Variants in LRRC4C observed in about 807,000 individuals in gnomAD.
LRRC4C encodes the protein leucine rich repeat containing 4C.
In LRRC4C, 5 loss-of-function variants were observed where a neutral mutation model predicts 33.6. That is an observed-to-expected ratio of 0.15 (90% CI 0.08 to 0.31). The LOEUF is 0.31. LRRC4C is among the 10% of genes least tolerant of loss of function. The pLI is 1.00. For synonymous variants in LRRC4C, 329 were observed against 302.0 expected (o/e 1.09, Z -0.93); for missense variants, 560 against 796.7 (o/e 0.70, Z 3.58).
At chr11:40,910,722 C>T (rs1050682331) in intron 2 of LRRC4C, among the ~76,000 whole-genome samples, 4 of 152,104 alleles carry the variant, frequency 2.6e-5, no homozygotes, top group African/African-American at 4.8e-5. Flanking sequence ...TGCAGTGCAC[C>T]GAGCTTGAGC....
At chr11:40,459,608 A>G (rs562828556) in intron 3 of LRRC4C, among the ~76,000 whole-genome samples, 2 of 152,318 alleles carry the variant, frequency 1.3e-5, no homozygotes, top group African/African-American at 4.8e-5. Flanking sequence ...AAGCCAATTC[A>G]TCCAGCCAGA....
At chr11:40,496,167 A>G (rs1036843388) in intron 3 of LRRC4C, among the ~76,000 whole-genome samples, 7 of 152,104 alleles carry the variant, frequency 4.6e-5, no homozygotes, top group African/African-American at 1.7e-4. Context: ...GAGGTAAAGA[A>G]GAGAAGACAG....
intron 2 of LRRC4C, among the ~76,000 whole-genome samples, chr11:40,774,709 T>G (rs1417264944): frequency 6.6e-6 from 1 of 152,154 alleles, no homozygotes; most frequent in Non-Finnish European, 1.5e-5. Flanking sequence ...CTCAACTTTA[T>G]ATTGGAAAAA....
chr11:40,284,235 C>T (rs746814694), intron 4 of LRRC4C, among the ~76,000 whole-genome samples: 7 of 152,108 alleles, frequency 4.6e-5, no homozygotes, highest in Non-Finnish European at 1.0e-4. Flanking sequence ...CCCAAGTTTG[C>T]GTTCAAACTA....
At chr11:41,187,177 C>G (rs1945731030) in intron 1 of LRRC4C, among the ~76,000 whole-genome samples, 1 of 152,118 alleles carries the variant, frequency 6.6e-6, no homozygotes, top group Non-Finnish European at 1.5e-5. Flanking sequence ...AGGCCTGTGC[C>G]CAGGGACGAA....
chr11:40,298,826 G>A (rs1944636986), intron 4 of LRRC4C, among the ~76,000 whole-genome samples: 1 of 152,134 alleles, frequency 6.6e-6, no homozygotes, highest in Admixed American at 6.6e-5. Context: ...AAGCTAGCAA[G>A]AGCAGGGAAA....
chr11:40,202,322 A>G (rs745635271), intron 5 of LRRC4C, among the ~76,000 whole-genome samples: 2 of 148,796 alleles, frequency 1.3e-5, no homozygotes, highest in Admixed American at 6.8e-5. Flanking sequence ...TTAATAGCTG[A>G]TTAACAACTG....
At chr11:41,126,827 G>A (rs1942766995) in intron 1 of LRRC4C, among the ~76,000 whole-genome samples, 1 of 152,006 alleles carries the variant, frequency 6.6e-6, no homozygotes, top group Non-Finnish European at 1.5e-5. Flanking sequence ...GAGCAACGCC[G>A]CTGTAGAACA....
intron 5 of LRRC4C, among the ~76,000 whole-genome samples, chr11:40,158,579 C>CAAAAA (rs10652402): frequency 2.7e-4 from 38 of 141,258 alleles, no homozygotes; most frequent in African/African-American, 8.6e-4. Flanking sequence ...ACATACTTAT[C>CAAAAA]AAAAAAAAAA....
chr11:41,457,471 T>C lies in LRRC4C; in HGVS notation c.-496+1960A>G, dbSNP rs1248172868. The stretch of plus-strand genomic sequence containing the variant: ...CCATGACCCATTGGCACTTGGAGTA[T>C]CAGGATCCTTCTCCTTACAACAGAA... On this transcript the variant is annotated intron_variant, in intron 1 of 6. Transcript: ENST00000528697. Among the ~76,000 whole-genome samples the C allele has an allele frequency of 2.0e-5, 3 of 152,188 alleles. No homozygotes were observed. In the East Asian group the frequency reaches 5.8e-4, roughly 29 times the overall value.
At chr11:41,114,205 C>T (rs377212977) in intron 1 of LRRC4C, among the ~76,000 whole-genome samples, 4 of 152,118 alleles carry the variant, frequency 2.6e-5, no homozygotes, top group African/African-American at 9.6e-5. Flanking sequence ...ATAAAATCAA[C>T]TATTTCCAAG....
At chr11:41,289,368 T>G (rs1030300912) in intron 1 of LRRC4C, among the ~76,000 whole-genome samples, 1 of 152,196 alleles carries the variant, frequency 6.6e-6, no homozygotes, top group Non-Finnish European at 1.5e-5. Flanking sequence ...AAAGAATGGT[T>G]CTATGGACTA....
At chr11:40,804,897 T>C (rs537810538) in intron 2 of LRRC4C, among the ~76,000 whole-genome samples, 1 of 152,284 alleles carries the variant, frequency 6.6e-6, no homozygotes, top group South Asian at 2.1e-4. Flanking sequence ...AAGGAAAAAT[T>C]AACTCATTGG....
At chr11:41,298,268 A>C (rs114169698) in intron 1 of LRRC4C, among the ~76,000 whole-genome samples, 45 of 152,272 alleles carry the variant, frequency 3.0e-4, no homozygotes, top group Middle Eastern at 3.4e-3. Context: ...GAAGAAAGAG[A>C]TAAAAGAAGG....
At chr11:40,555,258 C>T (rs1019476167) in intron 3 of LRRC4C, among the ~76,000 whole-genome samples, 5 of 152,042 alleles carry the variant, frequency 3.3e-5, no homozygotes, top group Non-Finnish European at 5.9e-5. Context: ...GACCGATGTC[C>T]AGGCTGCCAG....
intron 1 of LRRC4C, among the ~76,000 whole-genome samples, chr11:40,964,341 T>C (rs1330312895): frequency 6.6e-6 from 1 of 151,450 alleles, no homozygotes. Flanking sequence ...AAAACAGACA[T>C]TGAATTTGCT....
intron 1 of LRRC4C, among the ~76,000 whole-genome samples, chr11:41,371,071 A>C (rs1952729640): frequency 6.6e-6 from 1 of 152,014 alleles, no homozygotes; most frequent in African/African-American, 2.4e-5. Context: ...TAAAAATAAA[A>C]CCTATTTCTG....
At chr11:41,435,454 C>T (rs1955393593) in intron 1 of LRRC4C, among the ~76,000 whole-genome samples, 1 of 152,036 alleles carries the variant, frequency 6.6e-6, no homozygotes, top group Non-Finnish European at 1.5e-5. Context: ...TGATCAATAC[C>T]GATACAATAA....
chr11:40,401,658 G>A (rs1949764394), intron 3 of LRRC4C, among the ~76,000 whole-genome samples: 1 of 152,076 alleles, frequency 6.6e-6, no homozygotes, highest in African/African-American at 2.4e-5. Context: ...CTTCTGACTG[G>A]GGAATATTCC....
Sources: gnomAD v4.1 joint callset for allele counts (sites outside exome capture counted in the v4.1 genomes callset) on GRCh38, gnomAD v4.1.1 for gene constraint, MANE v1.5 for transcripts, NCBI Gene and HGNC (gene_info 2026-07-23, HGNC 2026-07-21) for gene names.